The following MARCHF3 variants were observed in gnomAD, a reference collection of about 807,000 sequenced individuals.
The protein encoded by MARCHF3 is membrane associated ring-CH-type finger 3, also known as E3 ubiquitin-protein ligase MARCHF3.
Under a neutral mutation model 24.2 loss-of-function variants are expected in MARCHF3, and 13 were observed. The observed-to-expected ratio is 0.54, with a 90% CI of 0.35 to 0.85. MARCHF3 has a LOEUF of 0.85. MARCHF3 is among the 40% of genes least tolerant of loss of function. The pLI is 0.01. For synonymous variants in MARCHF3, 144 were observed against 137.3 expected (o/e 1.05, Z -0.34); for missense variants, 276 against 325.0 (o/e 0.85, Z 1.16).
intron 1 of MARCHF3, among the ~76,000 whole-genome samples, chr5:126,955,681 T>C (rs1750415458): frequency 6.6e-6 from 1 of 152,220 alleles, no homozygotes; most frequent in Non-Finnish European, 1.5e-5. Flanking sequence ...TACTGATTTG[T>C]AAGGATTCTC....
intron 1 of MARCHF3, among the ~76,000 whole-genome samples, chr5:127,018,719 T>C (rs779156140): frequency 3.9e-5 from 6 of 152,166 alleles, no homozygotes; most frequent in African/African-American, 4.8e-5. Flanking sequence ...GTCACAAAGA[T>C]AAGCAGGCCC....
At chr5:126,998,768 ACT>A (rs1208867818) in intron 1 of MARCHF3, among the ~76,000 whole-genome samples, 5 of 152,054 alleles carry the variant, frequency 3.3e-5, no homozygotes, top group African/African-American at 1.2e-4. Context: ...CCCCTGTCCC[ACT>A]CTCTCCCTGT....
chr5:126,986,762 G>A (rs1406884696), intron 1 of MARCHF3, among the ~76,000 whole-genome samples: 1 of 152,168 alleles, frequency 6.6e-6, no homozygotes, highest in Admixed American at 6.5e-5. Flanking sequence ...GTGTTTGGGA[G>A]AGGCACCTGT....
intron 1 of MARCHF3, among the ~76,000 whole-genome samples, chr5:126,973,418 G>C (rs1751084063): frequency 1.3e-5 from 2 of 152,222 alleles, no homozygotes; most frequent in Admixed American, 1.3e-4. Context: ...CCTCTCTGGG[G>C]TTCCTGCCAG....
intron 1 of MARCHF3, among the ~76,000 whole-genome samples, chr5:126,990,061 G>T: frequency 2.1e-5 from 1 of 47,902 alleles, no homozygotes; most frequent in African/African-American, 8.9e-5. Context: ...AGTTCATATG[G>T]AACCAAAAAA....
intron 1 of MARCHF3, among the ~76,000 whole-genome samples, chr5:126,921,896 A>AAAAC (rs1337896961): frequency 1.3e-5 from 2 of 152,328 alleles, no homozygotes; most frequent in East Asian, 3.9e-4. Flanking sequence ...GGAGACAGTG[A>AAAAC]AAACAGAGGG....
intron 1 of MARCHF3, among the ~76,000 whole-genome samples, chr5:126,934,827 C>T (rs1029959842): frequency 6.6e-6 from 1 of 152,160 alleles, no homozygotes; most frequent in Non-Finnish European, 1.5e-5. Flanking sequence ...AAAGGAGGAT[C>T]TCAGGCTCAA....
At chr5:126,884,249 CA>C (rs1170632198) in intron 3 of MARCHF3, among the ~76,000 whole-genome samples, 1 of 152,142 alleles carries the variant, frequency 6.6e-6, no homozygotes, top group Non-Finnish European at 1.5e-5. Context: ...AGAACAAAAA[CA>C]AACTCCTACT....
chr5:126,892,767 C>G (rs1259795605), intron 3 of MARCHF3, among the ~76,000 whole-genome samples: 1 of 146,658 alleles, frequency 6.8e-6, no homozygotes, highest in African/African-American at 2.7e-5. Context: ...TGTTATGTCT[C>G]TGCCTGGCTT....
rs770014817 is a variant in MARCHF3 at position 126,870,716 on chromosome 5, T to C, written c.679A>G (p.Lys227Glu). ...TNQRVILLIP[K>E]SVNVPSNQPS... ...TGGTTAGAAGGTACATTGACAGACT[T>C]TGGAATGAGGAGAATCACCCTCTGA... is the stretch of plus-strand genomic sequence containing the variant. Residue 227 changes from lysine (K) to glutamate (E), a missense_variant, in exon 5 of 5, where the codon AAG (lysine) becomes GAG (glutamate). Transcript: ENST00000308660. 6.2e-7 allele frequency: 1 copy of C among 1,614,100 alleles called. No homozygotes were observed. Among genetic ancestry groups the C allele is most frequent in the East Asian group, 2.2e-5 (1 of 44,888 alleles).
intron 3 of MARCHF3, among the ~76,000 whole-genome samples, chr5:126,879,755 G>A (rs536719641): frequency 2.9e-4 from 44 of 152,314 alleles, no homozygotes; most frequent in African/African-American, 1.0e-3. Flanking sequence ...CCATCTCACT[G>A]TTCCATGTAG....
intron 3 of MARCHF3, among the ~76,000 whole-genome samples, chr5:126,880,106 G>A (rs55829479): frequency 0.039 from 5,927 of 152,208 alleles, 150 homozygotes; most frequent in Non-Finnish European, 0.061. Flanking sequence ...ATAGAAAAGC[G>A]GCAAAGAGGG....
At chr5:126,928,081 TA>T (rs1749355008) in intron 1 of MARCHF3, among the ~76,000 whole-genome samples, 1 of 152,194 alleles carries the variant, frequency 6.6e-6, no homozygotes, top group African/African-American at 2.4e-5. Context: ...TCTAAGTACT[TA>T]ATAAATACAG....
At chr5:126,914,151 T>G (rs938525605) in intron 3 of MARCHF3, among the ~76,000 whole-genome samples, 23 of 151,642 alleles carry the variant, frequency 1.5e-4, no homozygotes, top group African/African-American at 5.6e-4. Context: ...GCCCGGCTAA[T>G]TTTTTGTATT....
intron 3 of MARCHF3, among the ~76,000 whole-genome samples, chr5:126,895,928 G>C (rs1753877241): frequency 6.6e-6 from 1 of 152,138 alleles, no homozygotes; most frequent in African/African-American, 2.4e-5. Flanking sequence ...TGGCCTTGCA[G>C]TTTGATCTCA....
At chr5:126,939,668 G>A (rs12656837) in intron 1 of MARCHF3, among the ~76,000 whole-genome samples, 7,667 of 152,222 alleles carry the variant, frequency 0.05, 358 homozygotes, top group South Asian at 0.13. Context: ...AACAGAGTCA[G>A]TTCTTGTTAT....
intron 1 of MARCHF3, among the ~76,000 whole-genome samples, chr5:126,988,305 C>A (rs1446171064): frequency 2.0e-5 from 3 of 152,040 alleles, no homozygotes; most frequent in Non-Finnish European, 4.4e-5. Context: ...AACAGGAAAC[C>A]GGATCTACAT....
Position 126,878,154 on chromosome 5 carries a change from G to A in MARCHF3, c.603+31C>T, listed in dbSNP as rs1309866675. Reference sequence around the variant, plus strand: ...AGCTGTGAGGCTGCCAGCTCCAAATGGCCTGAACCCCAGCCACGGCCCATA... The same window carrying A: ...AGCTGTGAGGCTGCCAGCTCCAAATAGCCTGAACCCCAGCCACGGCCCATA... On this transcript the variant is annotated intron_variant, in intron 4 of 4. Coordinates refer to ENST00000308660, the MANE Select transcript of MARCHF3 (RefSeq NM_178450.5). The A allele has an allele frequency of 3.1e-6, 5 of 1,606,272 alleles. No individual in the cohort carries two copies. In the Admixed American group the frequency reaches 5.0e-5, roughly 16 times the overall value.
chr5:126,952,567 T>C (rs1750291911), intron 1 of MARCHF3, among the ~76,000 whole-genome samples: 2 of 152,358 alleles, frequency 1.3e-5, no homozygotes, highest in Middle Eastern at 3.4e-3. Flanking sequence ...TTAAAATTAA[T>C]AGAAACTTAG....
Sources: gnomAD v4.1 joint callset for allele counts (sites outside exome capture counted in the v4.1 genomes callset) on GRCh38, gnomAD v4.1.1 for gene constraint, MANE v1.5 for transcripts, NCBI Gene and HGNC (gene_info 2026-07-23, HGNC 2026-07-21) for gene names.